The following NSD2 variants were observed in gnomAD, a reference collection of about 807,000 sequenced individuals.
The protein encoded by NSD2 is nuclear receptor binding SET domain protein 2, also known as histone-lysine N-methyltransferase NSD2.
In NSD2, 12 loss-of-function variants were observed where a neutral mutation model predicts 139.0. The ratio of observed to expected loss-of-function variants is 0.09; its 90% CI spans 0.06 to 0.14. The LOEUF is 0.14. Ranked by LOEUF, NSD2 falls within the 10% of genes least tolerant of loss-of-function variation. The pLI is 1.00. For missense variants in NSD2, 1,155 were observed against 1,745.0 expected (o/e 0.66, Z 6.02); for synonymous variants, 669 against 648.7 (o/e 1.03, Z -0.48).
rs896946868 is a variant in NSD2, at chr4:1,948,277, T to G, written c.1882-2795T>G. 8.7e-5 allele frequency: 93 copies of G among 1,065,544 alleles called. No individual in the cohort carries two copies. The highest frequency in any genetic ancestry group is 1.0e-4 in the Non-Finnish European group (88 of 878,634). 66.0% of individuals were successfully genotyped at this position (1,065,544 alleles called of 1,614,324 possible). On this transcript the variant is annotated intron_variant, in intron 9 of 21. Coordinates refer to ENST00000508803, the MANE Select transcript of NSD2 (RefSeq NM_001042424.3). The surrounding 1 kb of genome is among the most constrained non-coding windows in gnomAD (Gnocchi z 4.5). ...TGTGTCCGCTCAGTCCCTGCACTTTTCCTTTCCAAATGCATCTCGTTGGAT... is the reference window on the plus strand; with the variant it reads ...TGTGTCCGCTCAGTCCCTGCACTTTGCCTTTCCAAATGCATCTCGTTGGAT...
chr4:1,972,904 G>A lies in NSD2; in HGVS notation c.3373-1959G>A, dbSNP rs1364013815. Among the ~76,000 whole-genome samples the A allele has an allele frequency of 6.6e-6, 1 of 152,134 alleles. No homozygotes were observed. The highest frequency in any genetic ancestry group is 1.9e-4 in the East Asian group (1 of 5,188). On this transcript the variant is annotated intron_variant, in intron 18 of 21. Transcript: ENST00000508803. This position sits in a 1 kb window ranked among gnomAD's most constrained non-coding sequence, Gnocchi z 4.0. The stretch of plus-strand genomic sequence containing the variant: ...GTCTCACTCTGTCGCCTAGGCTGGA[G>A]TTCAGTGGCACAATCTCAGCTCACT...
At chr4:1,886,482 C>A (rs79740090) in intron 1 of NSD2, among the ~76,000 whole-genome samples, 6 of 152,178 alleles carry the variant, frequency 3.9e-5, no homozygotes, top group Admixed American at 6.6e-5. Flanking sequence ...TCTGGGATTA[C>A]GGACTTGAGC....
rs1719658747 is a variant in NSD2, at chr4:1,918,183, A to G, written c.970A>G (p.Met324Val). The change falls in exon 5 of 22, where the codon ATG becomes GTG. Residue 324 changes from methionine (M) to valine (V), a missense_variant. Met to Val is a conservative substitution (Grantham distance 21). Coordinates refer to ENST00000508803, the MANE Select transcript of NSD2 (RefSeq NM_001042424.3). Reference sequence around the variant, plus strand: ...AGGGAAATTGAGGGCCCAGTGGGAAATGGGCATTGTTCAAGCAGAAGAAGC... The same window carrying G: ...AGGGAAATTGAGGGCCCAGTGGGAAGTGGGCATTGTTCAAGCAGAAGAAGC... ...ISGKLRAQWE[M>V]GIVQAEEAAS... 2 of 1,613,180 alleles carry G rather than the reference A, an allele frequency of 1.2e-6. No individual in the cohort carries two copies. Among genetic ancestry groups the G allele is most frequent in the African/African-American group, 1.3e-5 (1 of 74,766 alleles).
At chr4:1,932,332 G>C (rs1394050611) in intron 6 of NSD2, among the ~76,000 whole-genome samples, 1 of 151,396 alleles carries the variant, frequency 6.6e-6, no homozygotes, top group African/African-American at 2.4e-5. Context: ...CCAGCTACTC[G>C]GGAGGCTGAG....
rs527705950 is a variant in NSD2, at chr4:1,971,541, A to G, written c.3373-3322A>G. 2.6e-5 allele frequency among the ~76,000 whole-genome samples: 4 copies of G among 152,174 alleles called. No individual in the cohort carries two copies. In the South Asian group the frequency reaches 8.3e-4, roughly 32 times the overall value. ...CCAAGCAGAGACTTAGAGAACAGAA[A>G]CAATAGAAATAAATAAATCTCTTCT... On this transcript the variant is annotated intron_variant, in intron 18 of 21. Coordinates refer to ENST00000508803, the MANE Select transcript of NSD2 (RefSeq NM_001042424.3).
In NSD2 at chr4:1,941,444, G is replaced by A. The variant is rs17132088; in HGVS notation, c.1881+1666G>A. 3.8e-3 allele frequency: 3,970 copies of A among 1,047,208 alleles called. 116 individuals are homozygous for A. The African/African-American group carries it at 0.06, about 16-fold the overall frequency. The allele number at this position is 1,047,208 out of a possible 1,614,324, so 64.9% of individuals were successfully genotyped here. Reference sequence around the variant, plus strand: ...GAGTAATGCATGAGGCCAGTGTAGCGGGGTCGAGGCCTGCCCATGAGTCAG... The same window carrying A: ...GAGTAATGCATGAGGCCAGTGTAGCAGGGTCGAGGCCTGCCCATGAGTCAG... On this transcript the variant is annotated intron_variant, in intron 9 of 21. Coordinates refer to ENST00000508803, the MANE Select transcript of NSD2 (RefSeq NM_001042424.3).
intron 1 of NSD2, among the ~76,000 whole-genome samples, chr4:1,895,014 T>C (rs1716070685): frequency 1.3e-5 from 2 of 152,200 alleles, no homozygotes; most frequent in Admixed American, 1.3e-4. Flanking sequence ...GGGGACCTCA[T>C]GTACGTGGAA....
intron 1 of NSD2, among the ~76,000 whole-genome samples, chr4:1,883,827 G>A (rs189586116): frequency 1.3e-3 from 204 of 152,272 alleles, no homozygotes; most frequent in African/African-American, 4.7e-3. Context: ...CCTAGATGGC[G>A]ATAAGAAGCG....
chr4:1,965,997 T>C (rs1168521716), intron 18 of NSD2, among the ~76,000 whole-genome samples: 1 of 152,184 alleles, frequency 6.6e-6, no homozygotes, highest in East Asian at 1.9e-4. Context: ...AATGAGATTA[T>C]CAGCAAATTT....
chr4:1,955,423 C>T lies in NSD2; in HGVS notation c.2518+83C>T, dbSNP rs538452104. On this transcript the variant is annotated intron_variant, in intron 13 of 21. Transcript: ENST00000508803. The surrounding 1 kb of genome is among the most constrained non-coding windows in gnomAD (Gnocchi z 4.7). Reference sequence around the variant, plus strand: ...TCAAGGCAGGCTCATTCCTTGTCTGCGCTGTGTTCATTGATGTTGACAGTG... The same window carrying T: ...TCAAGGCAGGCTCATTCCTTGTCTGTGCTGTGTTCATTGATGTTGACAGTG... 1.2e-3 allele frequency: 1,767 copies of T among 1,480,324 alleles called. 29 individuals carry two copies. In the South Asian group the frequency reaches 0.021, roughly 18 times the overall value. 91.7% of individuals were successfully genotyped at this position (1,480,324 alleles called of 1,614,324 possible).
chr4:1,927,237 T>C (rs905949669), intron 5 of NSD2, among the ~76,000 whole-genome samples: 5 of 152,126 alleles, frequency 3.3e-5, no homozygotes, highest in African/African-American at 1.2e-4. Flanking sequence ...AAGGTGGATA[T>C]CTTTTATGCC....
rs974183945 is a variant in NSD2 at position 1,981,397 on chromosome 4, G to A, written c.*2488G>A. The A allele has an allele frequency of 3.4e-5, 8 of 233,482 alleles. No individual in the cohort carries two copies. The highest frequency in any genetic ancestry group is 6.8e-5 in the Non-Finnish European group (8 of 118,286). 14.5% of individuals were successfully genotyped at this position (233,482 alleles called of 1,614,324 possible). On this transcript the variant is annotated 3_prime_UTR_variant, in exon 22 of 22. Transcript: ENST00000508803. Reference sequence around the variant, plus strand: ...TCTCGGCCCTGCCCAGCTTTGTTCTGAGGACGTGGTGACTTCCTGAACATC... The same window carrying A: ...TCTCGGCCCTGCCCAGCTTTGTTCTAAGGACGTGGTGACTTCCTGAACATC...
intron 17 of NSD2, among the ~76,000 whole-genome samples, chr4:1,960,715 G>T (rs1725279295): frequency 6.6e-6 from 1 of 152,228 alleles, no homozygotes; most frequent in Non-Finnish European, 1.5e-5. Flanking sequence ...TTTCTCTGTT[G>T]TGGGGATCAC....
intron 1 of NSD2, among the ~76,000 whole-genome samples, chr4:1,880,514 C>T (rs1303187237): frequency 2.6e-5 from 4 of 152,024 alleles, no homozygotes; most frequent in Middle Eastern, 3.2e-3. Flanking sequence ...AGACCTATGT[C>T]CTCGTTCCCA....
At chr4:1,971,921 C>T (rs952945913) in intron 18 of NSD2, among the ~76,000 whole-genome samples, 1 of 152,228 alleles carries the variant, frequency 6.6e-6, no homozygotes, top group Non-Finnish European at 1.5e-5. Flanking sequence ...TGCTAAAAGA[C>T]ATCAGCGGCT....
intron 6 of NSD2, among the ~76,000 whole-genome samples, chr4:1,934,459 C>T (rs1223401855): frequency 2.0e-5 from 3 of 151,726 alleles, no homozygotes; most frequent in Admixed American, 6.6e-5. Flanking sequence ...TGCCATTACA[C>T]TCCAGCCTGA....
At position 1,955,222 on chromosome 4, in the gene NSD2, A is replaced by G; in HGVS notation, c.2400A>G (p.Ala800=). Residue 800 remains alanine (A), a synonymous_variant, in exon 13 of 22, where the codon GCA becomes GCG. Coordinates refer to ENST00000508803, the MANE Select transcript of NSD2 (RefSeq NM_001042424.3). This position sits in a 1 kb window ranked among gnomAD's most constrained non-coding sequence, Gnocchi z 4.7. ...VAYHSGDACL[A]AGCSVIASNS... is the part of the protein sequence containing the mutation. ...ATCACAGCGGGGATGCTTGTCTGGC[A>G]GCAGGATGCTCAGTGATCGCCTCCA... The G allele has an allele frequency of 6.2e-7, 1 of 1,614,138 alleles. No individual in the cohort carries two copies. The highest frequency in any genetic ancestry group is 8.5e-7 in the Non-Finnish European group (1 of 1,179,996).
At chr4:1,953,220 G>A (rs1474565897) in intron 11 of NSD2, 104 bp from the exon 12 acceptor site, 1 of 1,597,016 alleles carries the variant, frequency 6.3e-7, no homozygotes, top group Non-Finnish European at 8.5e-7. Flanking sequence ...TTAGCAGCAT[G>A]GCTGCCTCTG....
At chr4:1,922,456 C>T (rs1428646532) in intron 5 of NSD2, among the ~76,000 whole-genome samples, 1 of 152,168 alleles carries the variant, frequency 6.6e-6, no homozygotes, top group Non-Finnish European at 1.5e-5. Context: ...TAGGAAGATT[C>T]AAGCTTCTGA....
Sources: gnomAD v4.1 joint callset for allele counts (sites outside exome capture counted in the v4.1 genomes callset) on GRCh38, gnomAD v4.1.1 for gene constraint, Gnocchi (gnomAD v3.1) non-coding constraint, MANE v1.5 for transcripts, NCBI Gene and HGNC (gene_info 2026-07-23, HGNC 2026-07-21) for gene names.